Variants in MSRA observed in about 807,000 individuals in gnomAD.
MSRA encodes mitochondrial peptide methionine sulfoxide reductase.
Under a neutral mutation model 31.3 loss-of-function variants are expected in MSRA, and 54 were observed. The ratio of observed to expected loss-of-function variants is 1.73; its 90% confidence interval spans 1.39 to 2.17. The LOEUF (loss-of-function observed/expected upper bound fraction) is 2.17, where lower values mean the gene tolerates loss of function less well. Among genes scored for constraint, MSRA ranks in the 30% most tolerant of loss-of-function variants. The pLI, the probability that MSRA is intolerant of heterozygous loss-of-function variation, is 0.00. For missense variants in MSRA, 507 were observed against 300.9 expected (o/e 1.69, Z -5.07); for synonymous variants, 169 against 116.5 (o/e 1.45, Z -2.90).
intron 5 of MSRA, among the ~76,000 whole-genome samples, chr8:10,375,287 A>G (rs1805698003): frequency 6.6e-6 from 1 of 152,192 alleles, no homozygotes; most frequent in Admixed American, 6.5e-5. Context: ...AGTCTGACTG[A>G]TTATCAGGCT....
intron 1 of MSRA, among the ~76,000 whole-genome samples, chr8:10,164,554 T>C (rs76034192): frequency 0.078 from 11,930 of 152,284 alleles, 592 homozygotes; most frequent in Middle Eastern, 0.16. Context: ...AACAACCCAA[T>C]GTCACAGAGA....
chr8:10,191,045 G>A (rs2129053412), intron 1 of MSRA, among the ~76,000 whole-genome samples: 1 of 152,298 alleles, frequency 6.6e-6, no homozygotes, highest in South Asian at 2.1e-4. Flanking sequence ...TATAAGCATA[G>A]CGTCCCATTC....
At chr8:10,393,095 T>G (rs992271534) in intron 5 of MSRA, among the ~76,000 whole-genome samples, 1 of 151,514 alleles carries the variant, frequency 6.6e-6, no homozygotes, top group African/African-American at 2.4e-5. Flanking sequence ...TTCTGTTGTT[T>G]CTGATCTCTG....
At position 10,256,136 on chromosome 8, in the gene MSRA, TC is replaced by T. The variant is rs905282747; in HGVS notation, c.331+10921del. On this transcript the variant is annotated intron_variant, in intron 3 of 5. Transcript: ENST00000317173. ...TGTGCTCAGCCTATTCAGCCCATCCTCCCCCCCCAACCCCTGGCAACTGCTG... is the reference window on the plus strand; with the variant it reads ...TGTGCTCAGCCTATTCAGCCCATCCTCCCCCCCAACCCCTGGCAACTGCTG... Among the ~76,000 whole-genome samples, 15 of 151,100 alleles carry T rather than the reference TC, an allele frequency of 9.9e-5. No individual in the cohort carries two copies. The South Asian group carries it at 1.9e-3, about 19-fold the overall frequency.
chr8:10,075,779 C>A (rs535781705), intron 1 of MSRA, among the ~76,000 whole-genome samples: 5 of 152,330 alleles, frequency 3.3e-5, no homozygotes, highest in African/African-American at 1.2e-4. Context: ...ATATTATTCT[C>A]TGGATTTATT....
At chr8:10,282,139 T>C (rs1353947324) in intron 3 of MSRA, among the ~76,000 whole-genome samples, 2 of 152,148 alleles carry the variant, frequency 1.3e-5, no homozygotes, top group African/African-American at 4.8e-5. Context: ...AATTTATAAT[T>C]CGTACTAATC....
chr8:10,118,569 A>T (rs1239907911), intron 1 of MSRA, among the ~76,000 whole-genome samples: 1 of 151,834 alleles, frequency 6.6e-6, no homozygotes, highest in South Asian at 2.1e-4. Context: ...TCAGAACCTG[A>T]CCCCAAGCCA....
intron 3 of MSRA, among the ~76,000 whole-genome samples, chr8:10,297,154 C>G (rs1800589558): frequency 6.6e-6 from 1 of 152,092 alleles, no homozygotes; most frequent in Non-Finnish European, 1.5e-5. Flanking sequence ...CCCAGAATGC[C>G]TGATTTTCCT....
intron 1 of MSRA, among the ~76,000 whole-genome samples, chr8:10,141,891 T>A (rs1802743020): frequency 6.6e-6 from 1 of 152,210 alleles, no homozygotes; most frequent in African/African-American, 2.4e-5. Context: ...ACTCAGTCAA[T>A]GTTGATGACT....
At chr8:10,373,538 C>G (rs938062602) in intron 5 of MSRA, among the ~76,000 whole-genome samples, 5 of 152,266 alleles carry the variant, frequency 3.3e-5, no homozygotes, top group Non-Finnish European at 7.3e-5. Context: ...TGCCCAGCTA[C>G]TGACTGGTAC....
At chr8:10,337,348 T>C (rs929645646) in intron 5 of MSRA, 1 of 172,012 alleles carries the variant, frequency 5.8e-6, no homozygotes, top group Admixed American at 6.1e-5. Context: ...CCTGGCTAAT[T>C]TTTTTTATTT....
intron 1 of MSRA, among the ~76,000 whole-genome samples, chr8:10,127,531 T>G (rs1049397739): frequency 2.6e-5 from 4 of 152,218 alleles, no homozygotes; most frequent in Non-Finnish European, 5.9e-5. Context: ...TCTTACTGGT[T>G]AGCTTTGCCT....
At chr8:10,367,644 C>T (rs754883830) in intron 5 of MSRA, among the ~76,000 whole-genome samples, 5 of 152,192 alleles carry the variant, frequency 3.3e-5, no homozygotes, top group Non-Finnish European at 7.3e-5. Flanking sequence ...TGTTGACTTT[C>T]CCCATGTCAC....
At chr8:10,417,761 T>TGTGC (rs891245863) in intron 5 of MSRA, among the ~76,000 whole-genome samples, 2 of 150,258 alleles carry the variant, frequency 1.3e-5, no homozygotes, top group African/African-American at 2.4e-5. Flanking sequence ...ATGTTGTGTG[T>TGTGC]GTGTGTGTGT....
intron 2 of MSRA, among the ~76,000 whole-genome samples, chr8:10,220,241 C>G (rs1446527389): frequency 6.6e-6 from 1 of 152,224 alleles, no homozygotes; most frequent in Non-Finnish European, 1.5e-5. Flanking sequence ...TTGACCAAGA[C>G]CAAGTTTCCT....
intron 5 of MSRA, among the ~76,000 whole-genome samples, chr8:10,385,795 A>G (rs1806352121): frequency 7.5e-6 from 1 of 132,456 alleles, no homozygotes. Flanking sequence ...GGATGTTGTC[A>G]CTCACCTGGT....
At chr8:10,246,339 C>T (rs1417104878) in intron 3 of MSRA, among the ~76,000 whole-genome samples, 4 of 152,180 alleles carry the variant, frequency 2.6e-5, no homozygotes, top group South Asian at 4.1e-4. Context: ...ACCAGATTAC[C>T]TCTCTGGACT....
At chr8:10,383,913 C>A (rs1031245410) in intron 5 of MSRA, among the ~76,000 whole-genome samples, 3 of 152,142 alleles carry the variant, frequency 2.0e-5, no homozygotes, top group African/African-American at 7.2e-5. Flanking sequence ...GGAAGAACAT[C>A]CAGGACATTC....
chr8:10,063,310 C>G (rs143244869), intron 1 of MSRA, among the ~76,000 whole-genome samples: 1 of 152,314 alleles, frequency 6.6e-6, no homozygotes, highest in African/African-American at 2.4e-5. Context: ...CTGAGCTGTT[C>G]AGAGCATTAT....
Sources: allele counts gnomAD v4.1 joint callset (sites outside exome capture counted in the v4.1 genomes callset), GRCh38; gene constraint gnomAD v4.1.1; transcripts MANE v1.5; gene names NCBI Gene and HGNC (gene_info 2026-07-23, HGNC 2026-07-21).